The following MET variants were observed in gnomAD, a reference collection of about 807,000 sequenced individuals.
MET encodes the protein hepatocyte growth factor receptor.
A neutral mutation model predicts 133.1 loss-of-function variants in MET; 48 were observed. That is an observed-to-expected ratio of 0.36 (90% confidence interval 0.29 to 0.46). The LOEUF (loss-of-function observed/expected upper bound fraction) is 0.46, where lower values mean the gene tolerates loss of function less well. MET is among the 20% of genes least tolerant of loss of function. The pLI is 1.00. For synonymous variants in MET, 628 were observed against 616.5 expected (o/e 1.02, Z -0.28); for missense variants, 1,442 against 1,695.9 (o/e 0.85, Z 2.63).
chr7:116,776,994 A>T (rs1277934472), intron 15 of MET, among the ~76,000 whole-genome samples: 2 of 152,202 alleles, frequency 1.3e-5, no homozygotes, highest in Non-Finnish European at 2.9e-5. Flanking sequence ...ATAGTTCTTC[A>T]TGTGGGTTAA....
intron 1 of MET, among the ~76,000 whole-genome samples, chr7:116,677,436 G>C (rs887752586): frequency 1.3e-4 from 20 of 152,228 alleles, no homozygotes; most frequent in African/African-American, 4.3e-4. Flanking sequence ...CTTAGGAAAA[G>C]CAGAGGGGCA....
rs1263855745 is a variant in MET at position 116,713,142 on chromosome 7, T to TC, written c.1200+12861dup. On this transcript the variant is annotated intron_variant, in intron 2 of 20. Coordinates refer to ENST00000397752, the MANE Select transcript of MET (RefSeq NM_000245.4). The stretch of plus-strand genomic sequence containing the variant: ...CGGGCGCGGTGGCTCACGCCTGTAA[T>TC]CCCAGCACTTTGGGAGGCCGAGGTG... Among the ~76,000 whole-genome samples the TC allele has an allele frequency of 3.3e-5, 5 of 152,152 alleles. No homozygotes were observed. The East Asian group carries it at 9.7e-4, about 29-fold the overall frequency.
chr7:116,797,267 T>C lies in MET; in HGVS notation c.*1143T>C, dbSNP rs1032893138. On this transcript the variant is annotated 3_prime_UTR_variant, in exon 21 of 21. Transcript: ENST00000397752. Reference sequence around the variant, plus strand: ...GTTTGTAAAGCAGGATACATTTTACTAAAAGGTTCATTGGTTCCAATCACA... The same window carrying C: ...GTTTGTAAAGCAGGATACATTTTACCAAAAGGTTCATTGGTTCCAATCACA... The C allele has an allele frequency of 1.8e-5, 4 of 220,242 alleles. No homozygotes were observed. Among genetic ancestry groups the C allele is most frequent in the Non-Finnish European group, 3.6e-5 (4 of 110,196 alleles). 13.6% of individuals were successfully genotyped at this position (220,242 alleles called of 1,614,324 possible).
At chr7:116,713,320 G>A (rs541766261) in intron 2 of MET, among the ~76,000 whole-genome samples, 26 of 151,670 alleles carry the variant, frequency 1.7e-4, no homozygotes, top group Middle Eastern at 3.4e-3. Flanking sequence ...GCGTGAACCC[G>A]GGAGGCGGAG....
At chr7:116,679,069 A>G (rs986599862) in intron 1 of MET, among the ~76,000 whole-genome samples, 7 of 152,070 alleles carry the variant, frequency 4.6e-5, no homozygotes, top group African/African-American at 1.7e-4. Context: ...TACCAGTAAT[A>G]CTCAGTTGTA....
At position 116,796,045 on chromosome 7, in the gene MET, A is replaced by T. The variant is rs1795662590; in HGVS notation, c.4094A>T (p.Tyr1365Phe). ...GTGAACGTAAAATGTGTCGCTCCGT[A>T]TCCTTCTCTGTTGTCATCAGAAGAT... ...TYVNVKCVAP[Y>F]PSLLSSEDNA... Residue 1365 changes from tyrosine (Y) to phenylalanine (F), a missense_variant, in exon 21 of 21, where the codon TAT becomes TTT. Around this residue, in one of 6 missense-constraint regions of MET, gnomAD observed 94 missense variants for 109.5 expected, o/e 0.86. Transcript: ENST00000397752. 1 of 1,614,018 alleles carries T rather than the reference A, an allele frequency of 6.2e-7. No individual in the cohort carries two copies. The highest frequency in any genetic ancestry group is 8.5e-7 in the Non-Finnish European group (1 of 1,179,916).
rs750531377 is a variant in MET, at chr7:116,700,033, C to A, written c.949C>A (p.Leu317Ile). 3 of 1,614,038 alleles carry A rather than the reference C, an allele frequency of 1.9e-6. No homozygotes were observed. Among genetic ancestry groups the A allele is most frequent in the Admixed American group, 1.7e-5 (1 of 59,980 alleles). Reference sequence around the variant, plus strand: ...CACAAAGAAGGAAGTGTTTAATATACTTCAGGCTGCGTATGTCAGCAAGCC... The same window carrying A: ...CACAAAGAAGGAAGTGTTTAATATAATTCAGGCTGCGTATGTCAGCAAGCC... ...RSTKKEVFNI[L>I]QAAYVSKPGA... The change falls in exon 2 of 21, where the codon CTT (leucine) becomes ATT (isoleucine). Residue 317 changes from leucine to isoleucine, a missense_variant. Leu to Ile is a conservative substitution (Grantham distance 5). Transcript: ENST00000397752.
chr7:116,719,458 T>G (rs1204369989), intron 2 of MET, among the ~76,000 whole-genome samples: 1 of 152,238 alleles, frequency 6.6e-6, no homozygotes, highest in African/African-American at 2.4e-5. Context: ...ACTCTGATGA[T>G]AGTTTCTTTT....
At chr7:116,784,945 C>A (rs1795265586) in intron 19 of MET, among the ~76,000 whole-genome samples, 2 of 152,304 alleles carry the variant, frequency 1.3e-5, no homozygotes, top group Middle Eastern at 3.4e-3. Context: ...GGGGTACAGG[C>A]ATTGGGTGAA....
intron 15 of MET, among the ~76,000 whole-genome samples, chr7:116,775,597 T>G (rs969980154): frequency 1.3e-5 from 2 of 152,042 alleles, no homozygotes; most frequent in Non-Finnish European, 2.9e-5. Flanking sequence ...TCCCAACTAC[T>G]GGGGAGGCTG....
At chr7:116,764,322 A>C (rs1794529591) in intron 11 of MET, among the ~76,000 whole-genome samples, 1 of 152,176 alleles carries the variant, frequency 6.6e-6, no homozygotes. Flanking sequence ...GTGTTTACAA[A>C]AGCAAAGTTC....
chr7:116,737,118 C>G (rs1445644732), intron 3 of MET, among the ~76,000 whole-genome samples: 3 of 152,228 alleles, frequency 2.0e-5, no homozygotes, highest in South Asian at 2.1e-4. Flanking sequence ...GGTACAGCCT[C>G]TGCGCAAAAT....
At chr7:116,720,733 A>G (rs1792450555) in intron 2 of MET, among the ~76,000 whole-genome samples, 2 of 136,110 alleles carry the variant, frequency 1.5e-5, no homozygotes, top group East Asian at 2.0e-4. Context: ...TTCTGCATCT[A>G]TTGAGATAAT....
At position 116,778,839 on chromosome 7, in the gene MET, G is replaced by A. The variant is rs1795069423; in HGVS notation, c.3404G>A (p.Ser1135Asn). The change falls in exon 17 of 21, where the codon AGT (serine) becomes AAT (asparagine). Residue 1135 changes from serine to asparagine, a missense_variant. Around this residue, in one of 6 missense-constraint regions of MET, gnomAD observed 514 missense variants for 659.6 expected, o/e 0.78. Coordinates refer to ENST00000397752, the MANE Select transcript of MET (RefSeq NM_000245.4). ...GAGGGAATCATCATGAAAGATTTTAGTCATCCCAATGTCCTCTCGCTCCTG... is the reference window on the plus strand; with the variant it reads ...GAGGGAATCATCATGAAAGATTTTAATCATCCCAATGTCCTCTCGCTCCTG... ...LTEGIIMKDF[S>N]HPNVLSLLGI... 2 of 1,613,904 alleles carry A rather than the reference G, an allele frequency of 1.2e-6. No homozygotes were observed. Among genetic ancestry groups the A allele is most frequent in the South Asian group, 2.2e-5 (2 of 91,082 alleles).
At chr7:116,770,369 A>G (rs557300996) in intron 12 of MET, among the ~76,000 whole-genome samples, 5 of 152,316 alleles carry the variant, frequency 3.3e-5, no homozygotes, top group South Asian at 4.1e-4. Flanking sequence ...GCACAGTTCA[A>G]TGGGTTTCAG....
intron 16 of MET, among the ~76,000 whole-genome samples, chr7:116,777,937 T>C (rs1795044539): frequency 6.6e-6 from 1 of 152,234 alleles, no homozygotes; most frequent in African/African-American, 2.4e-5. Flanking sequence ...ATCATAAGTA[T>C]GGTAATACCT....
At chr7:116,714,957 A>G (rs2116675702) in intron 2 of MET, among the ~76,000 whole-genome samples, 1 of 152,278 alleles carries the variant, frequency 6.6e-6, no homozygotes, top group Non-Finnish European at 1.5e-5. Flanking sequence ...AATTCTCTTC[A>G]ATAGGTGTGA....
intron 3 of MET, among the ~76,000 whole-genome samples, chr7:116,733,119 G>T (rs1463417292): frequency 6.6e-6 from 1 of 151,982 alleles, no homozygotes; most frequent in Non-Finnish European, 1.5e-5. Context: ...CTGAAGGAGG[G>T]AAGCCCCGCC....
At chr7:116,755,235 G>A in intron 5 of MET, 120 bp from the exon 6 acceptor site, 1 of 1,201,096 alleles carries the variant, frequency 8.3e-7, no homozygotes, top group Non-Finnish European at 1.2e-6. Flanking sequence ...TTACTAAATT[G>A]TGGGAAAATG....
Sources: gnomAD v4.1 joint callset for allele counts (sites outside exome capture counted in the v4.1 genomes callset) on GRCh38, gnomAD v4.1.1 for gene constraint, gnomAD v4.1.1 regional missense constraint, MANE v1.5 for transcripts, NCBI Gene and HGNC (gene_info 2026-07-23, HGNC 2026-07-21) for gene names.